PCDHGA2: variants seen among roughly 807,000 people sequenced by gnomAD.
PCDHGA2 encodes the protein protocadherin gamma subfamily A, 2.
PCDHGA2 carries 40 observed loss-of-function variants against 59.2 expected under a neutral mutation model. The ratio of observed to expected loss-of-function variants is 0.68; its 90% CI spans 0.52 to 0.88. The LOEUF (loss-of-function observed/expected upper bound fraction) is 0.88, where lower values mean the gene tolerates loss of function less well. Among genes scored for constraint, PCDHGA2 ranks in the 40% least tolerant of loss-of-function variants. PCDHGA2 has a pLI of 0.00. For missense variants in PCDHGA2, 1,226 were observed against 1,204.0 expected (o/e 1.02, Z -0.27); for synonymous variants, 560 against 526.0 (o/e 1.06, Z -0.89).
chr5:141,497,538 AC>A lies in PCDHGA2; in HGVS notation c.2483+2675del, dbSNP rs1247704872. Among the ~76,000 whole-genome samples, 601 of 142,636 alleles carry A rather than the reference AC, an allele frequency of 4.2e-3. 3 individuals are homozygous for A. Among genetic ancestry groups the A allele is most frequent in the African/African-American group, 0.013 (497 of 38,408 alleles). The allele number at this position is 142,636 out of a possible 152,430, so 93.6% of individuals were successfully genotyped here. On this transcript the variant is annotated intron_variant, in intron 2 of 3. Coordinates refer to ENST00000394576, the MANE Select transcript of PCDHGA2 (RefSeq NM_018915.4). ...AGTTAACTTGTGGAGGATGCAACAA[AC>A]CTTTTTTTTTTTTTTTTTTAGACAG...
At chr5:141,410,281 G>A (rs368378842) in intron 1 of PCDHGA2, 33 of 1,613,938 alleles carry the variant, frequency 2.0e-5, no homozygotes, top group Non-Finnish European at 2.0e-5. Context: ...TTTACCTGGT[G>A]GTGGCCTTGG....
chr5:141,388,448 C>CA, intron 1 of PCDHGA2: 1 of 1,613,760 alleles, frequency 6.2e-7, no homozygotes, highest in Non-Finnish European at 8.5e-7. Context: ...AATCAGATGG[C>CA]AGTAAATACC....
At chr5:141,438,621 T>C (rs1164140266) in intron 1 of PCDHGA2, among the ~76,000 whole-genome samples, 4 of 41,368 alleles carry the variant, frequency 9.7e-5, no homozygotes, top group Admixed American at 3.5e-4. Flanking sequence ...TATATATATA[T>C]ATATATATAT....
chr5:141,409,198 A>T, intron 1 of PCDHGA2: 1 of 1,614,010 alleles, frequency 6.2e-7, no homozygotes, highest in South Asian at 1.1e-5. Flanking sequence ...CCCAGTGTAA[A>T]GTAATCATAG....
intron 1 of PCDHGA2, chr5:141,427,595 C>A: frequency 1.5e-6 from 1 of 681,870 alleles, no homozygotes; most frequent in Non-Finnish European, 2.7e-6. Flanking sequence ...CAAGCCTCAC[C>A]CTACGCATTG....
intron 1 of PCDHGA2, among the ~76,000 whole-genome samples, chr5:141,436,374 G>C (rs2154557079): frequency 6.6e-6 from 1 of 152,248 alleles, no homozygotes; most frequent in East Asian, 1.9e-4. Context: ...TCCAGTTTAA[G>C]CTGAATAGGC....
rs2093099818 is a variant in PCDHGA2 at position 141,394,799 on chromosome 5, A to T, written c.2424+53404A>T. On this transcript the variant is annotated intron_variant, in intron 1 of 3. Transcript: ENST00000394576. The stretch of plus-strand genomic sequence containing the variant: ...TCTCCGCCACTGTCACGCTCACCGT[A>T]GCCGTGGCTGACAGCATCCCCGAAG... 3 of 1,613,690 alleles carry T rather than the reference A, an allele frequency of 1.9e-6. No individual in the cohort carries two copies. The Admixed American group carries it at 5.0e-5, about 27-fold the overall frequency.
At position 141,362,518 on chromosome 5, in the gene PCDHGA2, G is replaced by A. The variant is rs914330317; in HGVS notation, c.2424+21123G>A. 3.7e-6 allele frequency: 6 copies of A among 1,613,886 alleles called. No individual in the cohort carries two copies. In the East Asian group the frequency reaches 1.1e-4, roughly 30 times the overall value. ...TTGGGAACAAAATACAAATCATGGAGCCGCTGGGGTCCCTTTTGCCTCAGA... is the reference window on the plus strand; with the variant it reads ...TTGGGAACAAAATACAAATCATGGAACCGCTGGGGTCCCTTTTGCCTCAGA... On this transcript the variant is annotated intron_variant, in intron 1 of 3. Transcript: ENST00000394576.
At chr5:141,366,368 A>G (rs1198628601) in intron 1 of PCDHGA2, 3 of 1,613,858 alleles carry the variant, frequency 1.9e-6, no homozygotes, top group South Asian at 2.2e-5. Context: ...CAGTATCAAG[A>G]CCCCCATTGA....
At position 141,379,889 on chromosome 5, in the gene PCDHGA2, C is replaced by CTTTTTTTTTTTTTTT. The variant is rs70988800; in HGVS notation, c.2424+38510_2424+38524dup. On this transcript the variant is annotated intron_variant, in intron 1 of 3. Coordinates refer to ENST00000394576, the MANE Select transcript of PCDHGA2 (RefSeq NM_018915.4). ...CTTATTTTATGGTCTGTGAAAGCCT[C>CTTTTTTTTTTTTTTT]TTTTTTTTTTTTTTTTTTTTTTTTT... Among the ~76,000 whole-genome samples, 120 of 50,828 alleles carry CTTTTTTTTTTTTTTT rather than the reference C, an allele frequency of 2.4e-3. 21 individuals carry two copies. The highest frequency in any genetic ancestry group is 3.0e-3 in the Non-Finnish European group (77 of 25,882). 33.3% of individuals were successfully genotyped at this position (50,828 alleles called of 152,430 possible).
chr5:141,492,026 G>A, intron 1 of PCDHGA2: 1 of 567,198 alleles, frequency 1.8e-6, no homozygotes, highest in South Asian at 2.9e-5. Flanking sequence ...GGGGTCCCGG[G>A]AGGAGGCAGT....
In PCDHGA2 at chr5:141,399,169, C is replaced by G. The variant is rs371809310; in HGVS notation, c.2424+57774C>G. On this transcript the variant is annotated intron_variant, in intron 1 of 3. Transcript: ENST00000394576. ...TAGCCCAGAAGTTACATTCCATTCT[C>G]TACTTGAAATGATTCTGGAAAACGC... 2.4e-5 allele frequency: 38 copies of G among 1,613,632 alleles called. No individual in the cohort carries two copies. In the African/African-American group the frequency reaches 4.0e-4, roughly 17 times the overall value.
At chr5:141,441,742 T>C in intron 1 of PCDHGA2, 1 of 367,312 alleles carries the variant, frequency 2.7e-6, no homozygotes, top group Non-Finnish European at 5.4e-6. Context: ...TAGCTCGCGC[T>C]CGGCGTCAAC....
At position 141,393,888 on chromosome 5, in the gene PCDHGA2, A is replaced by T. The variant is rs371905513; in HGVS notation, c.2424+52493A>T. 2.5e-6 allele frequency: 4 copies of T among 1,613,898 alleles called. No homozygotes were observed. The highest frequency in any genetic ancestry group is 1.3e-5 in the African/African-American group (1 of 74,932). On this transcript the variant is annotated intron_variant, in intron 1 of 3. Transcript: ENST00000394576. ...GTCTTTGTTTAGCCCAGTGTTAGAAAATTCTCTTCCCGGGACAGTAATTGC... is the reference window on the plus strand; with the variant it reads ...GTCTTTGTTTAGCCCAGTGTTAGAATATTCTCTTCCCGGGACAGTAATTGC...
At chr5:141,403,688 A>G (rs1385402830) in intron 1 of PCDHGA2, 1 of 1,613,836 alleles carries the variant, frequency 6.2e-7, no homozygotes, top group Non-Finnish European at 8.5e-7. Flanking sequence ...TGCTCAACGG[A>G]TTTACCGAGT....
rs568598784 is a variant in PCDHGA2, at chr5:141,345,926, C to A, written c.2424+4531C>A. 167 of 1,613,464 alleles carry A rather than the reference C, an allele frequency of 1.0e-4. 2 individuals are homozygous for A. The South Asian group carries it at 1.7e-3, about 16-fold the overall frequency. ...CGGGCGAGGTGCGCACGGCGCGAGC[C>A]CTGCTGGACAGAGACGCGCTCAAGC... On this transcript the variant is annotated intron_variant, in intron 1 of 3. Transcript: ENST00000394576.
chr5:141,428,436 A>G (rs922762798), intron 1 of PCDHGA2: 5 of 401,736 alleles, frequency 1.2e-5, no homozygotes, highest in Non-Finnish European at 2.3e-5. Flanking sequence ...CTAAGACTAG[A>G]CCAGGGGTTT....
At chr5:141,371,305 T>A in intron 1 of PCDHGA2, 1 of 1,613,940 alleles carries the variant, frequency 6.2e-7, no homozygotes, top group Non-Finnish European at 8.5e-7. Context: ...CTCACCACTA[T>A]TGGAGAACTG....
At chr5:141,402,221 G>T (rs567791316) in intron 1 of PCDHGA2, among the ~76,000 whole-genome samples, 1 of 151,824 alleles carries the variant, frequency 6.6e-6, no homozygotes, top group East Asian at 1.9e-4. Flanking sequence ...TAAAATAAAC[G>T]TTTTTCCAGG....
Sources: allele counts gnomAD v4.1 joint callset (sites outside exome capture counted in the v4.1 genomes callset), GRCh38; gene constraint gnomAD v4.1.1; transcripts MANE v1.5; gene names NCBI Gene and HGNC (gene_info 2026-07-23, HGNC 2026-07-21).